The following AGBL4 variants were observed in gnomAD, a reference collection of about 807,000 sequenced individuals.
AGBL4 encodes the protein AGBL carboxypeptidase 4, also known as cytosolic carboxypeptidase 6.
Under a neutral mutation model 66.4 loss-of-function variants are expected in AGBL4, and 58 were observed. The observed-to-expected ratio is 0.87, with a 90% confidence interval of 0.71 to 1.09. The LOEUF (loss-of-function observed/expected upper bound fraction) is 1.09. Among genes scored for constraint, AGBL4 ranks in the 50% least tolerant of loss-of-function variants. AGBL4 has a pLI of 0.00. For missense variants in AGBL4, 579 were observed against 631.0 expected (o/e 0.92, Z 0.88); for synonymous variants, 234 against 222.9 (o/e 1.05, Z -0.44).
intron 3 of AGBL4, among the ~76,000 whole-genome samples, chr1:49,421,553 C>T (rs540204227): frequency 3.3e-5 from 5 of 152,136 alleles, no homozygotes; most frequent in Non-Finnish European, 5.9e-5. Flanking sequence ...AGAGAAAAAA[C>T]GAAGAAATAA....
At chr1:48,632,257 C>G (rs976994578) in intron 9 of AGBL4, among the ~76,000 whole-genome samples, 6 of 152,136 alleles carry the variant, frequency 3.9e-5, no homozygotes, top group African/African-American at 1.4e-4. Flanking sequence ...ACAACTAGCT[C>G]AGCACCCAAG....
intron 2 of AGBL4, among the ~76,000 whole-genome samples, chr1:49,793,232 A>C (rs1644646845): frequency 6.6e-6 from 1 of 152,046 alleles, no homozygotes; most frequent in African/African-American, 2.4e-5. Context: ...AGTATCTGAC[A>C]TATATCTGGT....
intron 6 of AGBL4, among the ~76,000 whole-genome samples, chr1:48,762,656 G>GTGTGTGTGTGTGTGTA (rs763897262): frequency 5.8e-4 from 81 of 138,734 alleles, no homozygotes; most frequent in African/African-American, 1.5e-3. Context: ...GTGTGTGTGT[G>GTGTGTGTGTGTGTGTA]TGTATGTATT....
rs112102036 is a variant in AGBL4, at chr1:48,995,401, G to C, written c.594+50183C>G. Among the ~76,000 whole-genome samples the C allele has an allele frequency of 2.1e-3, 314 of 152,248 alleles. 5 individuals are homozygous for C. The highest frequency in any genetic ancestry group is 7.0e-3 in the African/African-American group (291 of 41,548). On this transcript the variant is annotated intron_variant, in intron 5 of 13. Transcript: ENST00000371839. ...ATAGGTCAGTCTACAGATATTTATT[G>C]AATGTTTACTAAGTGCTGGGCATTA...
chr1:49,126,792 C>T (rs1645773436), intron 4 of AGBL4, among the ~76,000 whole-genome samples: 1 of 151,964 alleles, frequency 6.6e-6, no homozygotes, highest in Non-Finnish European at 1.5e-5. Context: ...ATCTGTTTTC[C>T]CTGACTAGAC....
At chr1:48,975,862 T>C (rs910568205) in intron 5 of AGBL4, among the ~76,000 whole-genome samples, 4 of 152,144 alleles carry the variant, frequency 2.6e-5, no homozygotes, top group African/African-American at 9.6e-5. Context: ...GGCACGCTGG[T>C]ATCAATCAGA....
At chr1:48,957,467 G>A (rs951889248) in intron 5 of AGBL4, among the ~76,000 whole-genome samples, 2 of 152,146 alleles carry the variant, frequency 1.3e-5, no homozygotes, top group African/African-American at 2.4e-5. Context: ...CTCTAGAAAT[G>A]GAATGGGTGG....
intron 1 of AGBL4, among the ~76,000 whole-genome samples, chr1:49,986,664 G>T (rs555358448): frequency 3.3e-5 from 5 of 152,148 alleles, no homozygotes; most frequent in African/African-American, 9.6e-5. Flanking sequence ...CTGTGTGGCA[G>T]ATTCATTTTG....
chr1:49,742,586 A>G (rs2147812349), intron 2 of AGBL4, among the ~76,000 whole-genome samples: 1 of 152,186 alleles, frequency 6.6e-6, no homozygotes, highest in East Asian at 1.9e-4. Flanking sequence ...AAGAGCCCGC[A>G]TCGCCAAGTC....
At chr1:48,902,144 T>G (rs1380274544) in intron 5 of AGBL4, among the ~76,000 whole-genome samples, 3 of 152,156 alleles carry the variant, frequency 2.0e-5, no homozygotes, top group Non-Finnish European at 2.9e-5. Context: ...CACTTGGAAA[T>G]TCAAGCTGAG....
At chr1:48,839,886 C>A (rs529512064) in intron 6 of AGBL4, among the ~76,000 whole-genome samples, 1 of 152,094 alleles carries the variant, frequency 6.6e-6, no homozygotes, top group Non-Finnish European at 1.5e-5. Context: ...GGCCAAATTT[C>A]TGTATGCAAG....
intron 6 of AGBL4, among the ~76,000 whole-genome samples, chr1:48,807,686 A>G (rs1339482721): frequency 6.6e-6 from 1 of 152,066 alleles, no homozygotes; most frequent in Non-Finnish European, 1.5e-5. Flanking sequence ...CAGCCAATTT[A>G]TAGCTTTTGA....
intron 4 of AGBL4, among the ~76,000 whole-genome samples, chr1:49,138,721 C>T (rs766053071): frequency 2.0e-5 from 3 of 152,076 alleles, no homozygotes; most frequent in Non-Finnish European, 4.4e-5. Context: ...TTCAAATAAA[C>T]TTGGCCAAAA....
chr1:49,673,655 A>G (rs1252197148), intron 3 of AGBL4, among the ~76,000 whole-genome samples: 1 of 152,176 alleles, frequency 6.6e-6, no homozygotes, highest in Non-Finnish European at 1.5e-5. Context: ...TTGGAAAAAA[A>G]TCAACAAACT....
chr1:50,017,519 T>C (rs1662082245), intron 1 of AGBL4: 1 of 152,112 alleles, frequency 6.6e-6, no homozygotes, highest in Admixed American at 6.6e-5. Flanking sequence ...TATACATATA[T>C]ACCACAGAAT....
At chr1:49,824,341 T>C (rs1645451376) in intron 2 of AGBL4, among the ~76,000 whole-genome samples, 1 of 152,188 alleles carries the variant, frequency 6.6e-6, no homozygotes, top group Non-Finnish European at 1.5e-5. Flanking sequence ...ACCTGGGTTA[T>C]ACAAGCAACC....
chr1:48,691,675 A>T (rs1646635661), intron 6 of AGBL4, among the ~76,000 whole-genome samples: 1 of 152,096 alleles, frequency 6.6e-6, no homozygotes, highest in Admixed American at 6.6e-5. Context: ...ATGGGGTAAA[A>T]AGCACCCTTA....
intron 3 of AGBL4, among the ~76,000 whole-genome samples, chr1:49,250,052 C>T (rs978687559): frequency 6.6e-6 from 1 of 152,070 alleles, no homozygotes; most frequent in Non-Finnish European, 1.5e-5. Flanking sequence ...GAATAGAATG[C>T]TGATTACCAG....
At chr1:49,501,367 G>T (rs1326534474) in intron 3 of AGBL4, among the ~76,000 whole-genome samples, 1 of 152,058 alleles carries the variant, frequency 6.6e-6, no homozygotes, top group African/African-American at 2.4e-5. Context: ...GGCTCACAAG[G>T]TGAGTCTCCA....
Sources: gnomAD v4.1 joint callset for allele counts (sites outside exome capture counted in the v4.1 genomes callset) on GRCh38, gnomAD v4.1.1 for gene constraint, MANE v1.5 for transcripts, NCBI Gene and HGNC (gene_info 2026-07-23, HGNC 2026-07-21) for gene names.